The following HP1BP3 variants were observed in gnomAD, a reference collection of about 807,000 sequenced individuals.
HP1BP3 encodes the protein heterochromatin protein 1 binding protein 3.
A neutral mutation model predicts 62.5 loss-of-function variants in HP1BP3; 12 were observed. The ratio of observed to expected loss-of-function variants is 0.19; its 90% CI spans 0.12 to 0.31. The LOEUF is 0.31. Among genes scored for constraint, HP1BP3 ranks in the 10% least tolerant of loss-of-function variants. The pLI is 1.00. For missense variants in HP1BP3, 502 were observed against 651.8 expected (o/e 0.77, Z 2.50); for synonymous variants, 260 against 237.8 (o/e 1.09, Z -0.86).
rs1437383173 is a variant in HP1BP3, at chr1:20,780,366, G to C, written c.75C>G (p.Ile25Met). The C allele has an allele frequency of 1.9e-6, 3 of 1,613,234 alleles. No homozygotes were observed. The highest frequency in any genetic ancestry group is 2.5e-6 in the Non-Finnish European group (3 of 1,179,330). ...CTACCTCACCTAACTTGTCCGCGTG[G>C]ATCAGCTGAGCTCCTACTATAAGTG... Reference protein sequence around the residue: ...ALPLIVGAQLIHADKLGEKVE... With the variant: ...ALPLIVGAQLMHADKLGEKVE... Residue 25 changes from isoleucine to methionine, a missense_variant, in exon 2 of 13, where the codon ATC (isoleucine) becomes ATG (methionine). This residue lies in a region of HP1BP3 where 165 missense variants were observed against 156.4 expected (regional missense o/e 1.05). Coordinates refer to ENST00000438032, the MANE Select transcript of HP1BP3 (RefSeq NM_001372052.1).
chr1:20,771,564 G>A (rs552204412), intron 5 of HP1BP3, among the ~76,000 whole-genome samples: 106 of 152,322 alleles, frequency 7.0e-4, no homozygotes, highest in Non-Finnish European at 1.2e-3. Flanking sequence ...GTTTACAGAT[G>A]GCAAAGTGCT....
At chr1:20,765,166 T>G (rs1304198468) in intron 8 of HP1BP3, among the ~76,000 whole-genome samples, 2 of 75,912 alleles carry the variant, frequency 2.6e-5, no homozygotes, top group Non-Finnish European at 5.3e-5. Flanking sequence ...CAAATCTGTC[T>G]CAAAAAACTA....
intron 9 of HP1BP3, 135 bp downstream of exon 9, chr1:20,757,031 A>G: frequency 1.9e-6 from 1 of 527,116 alleles, no homozygotes; most frequent in East Asian, 3.0e-5. Context: ...TTTCTAACAT[A>G]GTAAATGTTG....
Position 20,746,768 on chromosome 1 carries a change from C to T in HP1BP3, c.1253+776G>A, listed in dbSNP as rs974319459. On this transcript the variant is annotated intron_variant, in intron 11 of 12. Coordinates refer to ENST00000438032, the MANE Select transcript of HP1BP3 (RefSeq NM_001372052.1). ...TTAAAACTTATGCATATAATCCCATCACTTTGGGAGGCTGAGGCGAGAGGA... is the reference window on the plus strand; with the variant it reads ...TTAAAACTTATGCATATAATCCCATTACTTTGGGAGGCTGAGGCGAGAGGA... 2.6e-5 allele frequency among the ~76,000 whole-genome samples: 4 copies of T among 152,166 alleles called. No homozygotes were observed. In the South Asian group the frequency reaches 8.3e-4, roughly 32 times the overall value.
At chr1:20,784,064 G>C (rs546978620) in intron 1 of HP1BP3, among the ~76,000 whole-genome samples, 24 of 152,054 alleles carry the variant, frequency 1.6e-4, no homozygotes, top group Admixed American at 6.6e-4. Flanking sequence ...CAACCTCCCA[G>C]GCTCAAGCGA....
chr1:20,775,844 G>A, intron 4 of HP1BP3: 1 of 1,037,724 alleles, frequency 9.6e-7, no homozygotes, highest in Admixed American at 3.1e-5. Flanking sequence ...ACGTAGGTTT[G>A]TGTAAGTACA....
intron 1 of HP1BP3, among the ~76,000 whole-genome samples, chr1:20,785,309 T>C (rs2057771664): frequency 6.6e-6 from 1 of 152,248 alleles, no homozygotes; most frequent in Non-Finnish European, 1.5e-5. Flanking sequence ...AAGAGAAGGC[T>C]GTAGAAAAGT....
chr1:20,775,043 G>A (rs944794126), intron 4 of HP1BP3: 1 of 149,866 alleles, frequency 6.7e-6, no homozygotes, highest in Non-Finnish European at 1.5e-5. Flanking sequence ...ATAATAAACA[G>A]CTATGCTACT....
chr1:20,780,623 G>A, intron 1 of HP1BP3, 83 bp from the exon 2 acceptor site: 4 of 562,044 alleles, frequency 7.1e-6, no homozygotes, highest in South Asian at 5.1e-5. Context: ...ACATCCAAAG[G>A]GAAAAAATAT....
chr1:20,784,604 G>A (rs1570695524), intron 1 of HP1BP3, among the ~76,000 whole-genome samples: 1 of 151,364 alleles, frequency 6.6e-6, no homozygotes, highest in Non-Finnish European at 1.5e-5. Flanking sequence ...AGCCTCCTGA[G>A]TAGCTGGGAC....
chr1:20,766,418 T>C (rs2056786613), intron 7 of HP1BP3, among the ~76,000 whole-genome samples: 1 of 149,388 alleles, frequency 6.7e-6, no homozygotes, highest in Non-Finnish European at 1.5e-5. Flanking sequence ...GAAAAGTCTA[T>C]GAAAAAAGGA....
At chr1:20,777,641 G>A (rs2057363015) in intron 3 of HP1BP3, among the ~76,000 whole-genome samples, 1 of 152,038 alleles carries the variant, frequency 6.6e-6, no homozygotes, top group Non-Finnish European at 1.5e-5. Context: ...TGTATTTTTA[G>A]TAGTGACAGG....
intron 3 of HP1BP3, among the ~76,000 whole-genome samples, chr1:20,777,671 G>A (rs933800390): frequency 2.6e-5 from 4 of 152,098 alleles, no homozygotes; most frequent in African/African-American, 9.7e-5. Context: ...TGTTAGCCAG[G>A]ATGGTCTCGA....
intron 8 of HP1BP3, among the ~76,000 whole-genome samples, chr1:20,762,318 C>G (rs2056528740): frequency 1.3e-5 from 2 of 152,024 alleles, no homozygotes; most frequent in Non-Finnish European, 2.9e-5. Flanking sequence ...TTGTTTCAGC[C>G]TAAGGTCATG....
chr1:20,769,090 T>C (rs2154540879), intron 6 of HP1BP3, among the ~76,000 whole-genome samples: 1 of 152,288 alleles, frequency 6.6e-6, no homozygotes, highest in South Asian at 2.1e-4. Context: ...TAGTCAACGA[T>C]AATTTTGTTT....
At chr1:20,775,999 A>G (rs2057288152) in intron 4 of HP1BP3, 18 of 1,460,118 alleles carry the variant, frequency 1.2e-5, no homozygotes, top group East Asian at 2.5e-5. Context: ...GAATACTATC[A>G]GCTCTCCTGC....
Position 20,749,720 on chromosome 1 carries a change from T to C in HP1BP3, c.1141+3A>G. The C allele has an allele frequency of 1.2e-6, 2 of 1,607,978 alleles. No individual in the cohort carries two copies. Among genetic ancestry groups the C allele is most frequent in the Non-Finnish European group, 1.7e-6 (2 of 1,177,778 alleles). On this transcript the variant is annotated splice_donor_region_variant and intron_variant, in intron 10 of 12. Coordinates refer to ENST00000438032, the MANE Select transcript of HP1BP3 (RefSeq NM_001372052.1). ...CAGTTAAATATACACAACCGAGTCTTACTTTGATAGTTAGAATTGGTTCCT... is the reference window on the plus strand; with the variant it reads ...CAGTTAAATATACACAACCGAGTCTCACTTTGATAGTTAGAATTGGTTCCT...
At chr1:20,745,376 G>A (rs1262641406) in intron 12 of HP1BP3, among the ~76,000 whole-genome samples, 167 bp downstream of exon 12, 1 of 152,138 alleles carries the variant, frequency 6.6e-6, no homozygotes, top group East Asian at 1.9e-4. Flanking sequence ...TAAAAGTCTG[G>A]AGCCCTTGAT....
At chr1:20,760,159 T>A (rs965544593) in intron 8 of HP1BP3, among the ~76,000 whole-genome samples, 1 of 152,112 alleles carries the variant, frequency 6.6e-6, no homozygotes, top group Admixed American at 6.5e-5. Flanking sequence ...AGTGCTGGGA[T>A]TACAGACGTG....
Sources: gnomAD v4.1 joint callset for allele counts (sites outside exome capture counted in the v4.1 genomes callset) on GRCh38, gnomAD v4.1.1 for gene constraint, gnomAD v4.1.1 regional missense constraint, MANE v1.5 for transcripts, NCBI Gene and HGNC (gene_info 2026-07-23, HGNC 2026-07-21) for gene names.